Variants in KCNK1 observed in about 807,000 individuals in gnomAD.
KCNK1 encodes potassium two pore domain channel subfamily K member 1.
In KCNK1, 10 loss-of-function variants were observed where a neutral mutation model predicts 22.2. That is an observed-to-expected ratio of 0.45 (90% CI 0.28 to 0.76). The LOEUF (loss-of-function observed/expected upper bound fraction) is 0.76. Among genes scored for constraint, KCNK1 ranks in the 30% least tolerant of loss-of-function variants. The pLI, the probability that KCNK1 is intolerant of heterozygous loss-of-function variation, is 0.14. For synonymous variants in KCNK1, 200 were observed against 186.4 expected (o/e 1.07, Z -0.60); for missense variants, 378 against 421.0 (o/e 0.90, Z 0.89).
At chr1:233,618,670 G>A (rs1657526829) in intron 1 of KCNK1, among the ~76,000 whole-genome samples, 1 of 152,110 alleles carries the variant, frequency 6.6e-6, no homozygotes, top group Admixed American at 6.5e-5. Context: ...CAGATCACGA[G>A]GTCAAGAGAT....
chr1:233,666,734 C>G lies in KCNK1; in HGVS notation c.495C>G (p.Val165=), dbSNP rs1209842089. The G allele has an allele frequency of 8.7e-6, 14 of 1,614,092 alleles. No homozygotes were observed. Among genetic ancestry groups the G allele is most frequent in the Non-Finnish European group, 1.2e-5 (14 of 1,180,056 alleles). The change falls in exon 2 of 3, where the codon GTC becomes GTG. Residue 165 remains valine, a synonymous_variant. Transcript: ENST00000366621. ...RITVHVTRRP[V]LYFHIRWGFS... is the part of the protein sequence containing the mutation. The stretch of plus-strand genomic sequence containing the variant: ...CCGTGCACGTCACCCGCAGGCCGGT[C>G]CTCTACTTCCACATCCGCTGGGGCT...
chr1:233,658,770 A>G (rs1361133878), intron 1 of KCNK1, among the ~76,000 whole-genome samples: 2 of 152,234 alleles, frequency 1.3e-5, no homozygotes, highest in Non-Finnish European at 2.9e-5. Context: ...AATATATCCA[A>G]ACCTAGAAAT....
intron 1 of KCNK1, among the ~76,000 whole-genome samples, chr1:233,643,806 A>G (rs1424249853): frequency 6.6e-6 from 1 of 152,098 alleles, no homozygotes; most frequent in Admixed American, 6.6e-5. Flanking sequence ...CCGACCCCAA[A>G]CCCAGCCTCC....
intron 2 of KCNK1, among the ~76,000 whole-genome samples, chr1:233,668,435 T>G (rs1398535660): frequency 6.6e-6 from 1 of 152,212 alleles, no homozygotes; most frequent in Non-Finnish European, 1.5e-5. Flanking sequence ...GACAGACTTT[T>G]TTTTGCCAAA....
intron 2 of KCNK1, among the ~76,000 whole-genome samples, chr1:233,668,668 C>A (rs796469151): frequency 4.3e-4 from 65 of 152,070 alleles, no homozygotes; most frequent in African/African-American, 1.3e-3. Flanking sequence ...TGCAATGGCA[C>A]GATCTCAGCT....
chr1:233,649,981 TG>T (rs775014067), intron 1 of KCNK1: 10 of 533,352 alleles, frequency 1.9e-5, no homozygotes, highest in African/African-American at 3.9e-5. Context: ...AGAAGATTGT[TG>T]AATCTGGCTG....
chr1:233,653,333 C>A (rs1193861397), intron 1 of KCNK1, among the ~76,000 whole-genome samples: 1 of 152,216 alleles, frequency 6.6e-6, no homozygotes, highest in Non-Finnish European at 1.5e-5. Context: ...TTACAGATAT[C>A]CCCTGGTCTG....
intron 1 of KCNK1, among the ~76,000 whole-genome samples, chr1:233,646,796 G>C (rs1175484925): frequency 6.6e-6 from 1 of 152,174 alleles, no homozygotes; most frequent in Non-Finnish European, 1.5e-5. Context: ...GTTTAGTCAA[G>C]TGGTCCTTAG....
chr1:233,620,432 T>C (rs1007611599), intron 1 of KCNK1, among the ~76,000 whole-genome samples: 2 of 152,252 alleles, frequency 1.3e-5, no homozygotes, highest in African/African-American at 4.8e-5. Flanking sequence ...GAATAAATTA[T>C]GTATCACCAC....
intron 2 of KCNK1, among the ~76,000 whole-genome samples, chr1:233,668,791 GAGA>G (rs1162464554): frequency 6.6e-6 from 1 of 152,140 alleles, no homozygotes; most frequent in Non-Finnish European, 1.5e-5. Context: ...ATTTTTAGTA[GAGA>G]CAGGGTTTCA....
intron 1 of KCNK1, among the ~76,000 whole-genome samples, chr1:233,657,618 A>AAAAAGAAAGAAAAG (rs1250541225): frequency 6.6e-6 from 1 of 152,038 alleles, no homozygotes; most frequent in Admixed American, 6.6e-5. Flanking sequence ...AGAAAGAGAG[A>AAAAAGAAAGAAAAG]AAAAGAAAGA....
chr1:233,625,844 T>C (rs1657679783), intron 1 of KCNK1, among the ~76,000 whole-genome samples: 1 of 152,010 alleles, frequency 6.6e-6, no homozygotes, highest in Non-Finnish European at 1.5e-5. Flanking sequence ...AAGGCACCTA[T>C]TGGAGGTGCA....
At chr1:233,619,998 C>T (rs1037080376) in intron 1 of KCNK1, among the ~76,000 whole-genome samples, 6 of 151,970 alleles carry the variant, frequency 3.9e-5, no homozygotes, top group African/African-American at 9.7e-5. Context: ...CTAATCTAGC[C>T]CACCACCTGT....
intron 1 of KCNK1, among the ~76,000 whole-genome samples, chr1:233,624,819 C>A (rs1023283300): frequency 6.6e-6 from 1 of 152,118 alleles, no homozygotes; most frequent in African/African-American, 2.4e-5. Context: ...GGCATTCATT[C>A]CTCTCTGAGT....
intron 1 of KCNK1, among the ~76,000 whole-genome samples, chr1:233,632,686 G>A (rs1319169686): frequency 1.3e-5 from 2 of 152,070 alleles, no homozygotes; most frequent in Non-Finnish European, 2.9e-5. Flanking sequence ...CCCTGCATTG[G>A]TGCTTCTGCT....
chr1:233,614,467 A>C lies in KCNK1; in HGVS notation c.296A>C (p.Asn99Thr), dbSNP rs1317571678. The change falls in exon 1 of 3, where the codon AAC (asparagine) becomes ACC (threonine). Residue 99 changes from asparagine to threonine, a missense_variant. Physicochemically the swap from Asn to Thr is moderately conservative, Grantham distance 65 (BLOSUM62 0). Transcript: ENST00000366621. The stretch of plus-strand genomic sequence containing the variant: ...TCGGTGCTCAGCAACGCCTCGGGCA[A>C]CTGGAACTGGGACTTCACCTCCGCG... ...GVSVLSNASG[N>T]WNWDFTSALF... 1 of 1,613,030 alleles carries C rather than the reference A, an allele frequency of 6.2e-7. No individual in the cohort carries two copies. Among genetic ancestry groups the C allele is most frequent in the African/African-American group, 1.3e-5 (1 of 74,888 alleles).
chr1:233,665,487 A>G (rs901395100), intron 1 of KCNK1, among the ~76,000 whole-genome samples: 25 of 152,204 alleles, frequency 1.6e-4, no homozygotes, highest in African/African-American at 5.8e-4. Context: ...ATAATAGTAT[A>G]CTTAATCAAT....
intron 1 of KCNK1, among the ~76,000 whole-genome samples, chr1:233,650,417 A>G (rs1374416063): frequency 6.6e-6 from 1 of 152,196 alleles, no homozygotes; most frequent in Non-Finnish European, 1.5e-5. Context: ...CTTGGGGAAT[A>G]TTAAAACGTG....
At chr1:233,664,270 C>G (rs1347801777) in intron 1 of KCNK1, among the ~76,000 whole-genome samples, 1 of 152,176 alleles carries the variant, frequency 6.6e-6, no homozygotes, top group Admixed American at 6.5e-5. Context: ...GTAATATCAG[C>G]TGCCTTCCTC....
Sources: allele counts gnomAD v4.1 joint callset (sites outside exome capture counted in the v4.1 genomes callset), GRCh38; gene constraint gnomAD v4.1.1; transcripts MANE v1.5; gene names NCBI Gene and HGNC (gene_info 2026-07-23, HGNC 2026-07-21).